The following UBE2E2 variants were observed in gnomAD, a reference collection of about 807,000 sequenced individuals.
UBE2E2 encodes ubiquitin conjugating enzyme E2 E2.
A neutral mutation model predicts 24.7 loss-of-function variants in UBE2E2; 6 were observed. The ratio of observed to expected loss-of-function variants is 0.24; its 90% confidence interval spans 0.13 to 0.48. The LOEUF is 0.48. Among genes scored for constraint, UBE2E2 ranks in the 20% least tolerant of loss-of-function variants. UBE2E2 has a pLI of 0.99. For missense variants in UBE2E2, 169 were observed against 245.0 expected (o/e 0.69, Z 2.07); for synonymous variants, 104 against 83.6 (o/e 1.24, Z -1.33).
chr3:23,380,472 C>T (rs930754968), intron 3 of UBE2E2, among the ~76,000 whole-genome samples: 1 of 152,174 alleles, frequency 6.6e-6, no homozygotes, highest in Non-Finnish European at 1.5e-5. Flanking sequence ...GTGATCCTCC[C>T]GCCTCCACCT....
intron 3 of UBE2E2, among the ~76,000 whole-genome samples, chr3:23,254,896 T>A (rs529483200): frequency 6.6e-6 from 1 of 151,740 alleles, no homozygotes; most frequent in East Asian, 2.0e-4. Flanking sequence ...CTCAGCTTCT[T>A]TAAGGCTTTT....
At chr3:23,292,338 G>A (rs1698792019) in intron 3 of UBE2E2, among the ~76,000 whole-genome samples, 1 of 151,994 alleles carries the variant, frequency 6.6e-6, no homozygotes, top group African/African-American at 2.4e-5. Flanking sequence ...AACAGTATTG[G>A]TGGTATATGA....
At chr3:23,312,287 AAC>A (rs1242684479) in intron 3 of UBE2E2, among the ~76,000 whole-genome samples, 3 of 152,190 alleles carry the variant, frequency 2.0e-5, no homozygotes, top group African/African-American at 7.2e-5. Context: ...GCAATGCGAG[AAC>A]AGACTAATGC....
chr3:23,237,437 G>A (rs1202808478), intron 3 of UBE2E2, among the ~76,000 whole-genome samples: 1 of 152,090 alleles, frequency 6.6e-6, no homozygotes, highest in African/African-American at 2.4e-5. Context: ...TGTGACCCTA[G>A]ATTGCTTGGT....
At chr3:23,365,053 G>A (rs1696218509) in intron 3 of UBE2E2, among the ~76,000 whole-genome samples, 1 of 152,126 alleles carries the variant, frequency 6.6e-6, no homozygotes, top group Admixed American at 6.5e-5. Flanking sequence ...AGGAAAAAAA[G>A]CTTTTGATAA....
At chr3:23,527,479 G>A (rs1470950069) in intron 4 of UBE2E2, among the ~76,000 whole-genome samples, 1 of 152,148 alleles carries the variant, frequency 6.6e-6, no homozygotes, top group African/African-American at 2.4e-5. Flanking sequence ...GCTACTAAAA[G>A]CCTTGCGATC....
At chr3:23,294,959 C>A (rs7612463) in intron 3 of UBE2E2, among the ~76,000 whole-genome samples, 22,536 of 151,928 alleles carry the variant, frequency 0.15, 1,813 homozygotes, top group South Asian at 0.23. Context: ...TTATTTTTAG[C>A]TACCTGAAAC....
chr3:23,435,736 G>C (rs1698162652), intron 3 of UBE2E2, among the ~76,000 whole-genome samples: 1 of 152,180 alleles, frequency 6.6e-6, no homozygotes, highest in Non-Finnish European at 1.5e-5. Context: ...TACTATTCAA[G>C]GATAAGGAAG....
At chr3:23,538,167 A>G (rs1695309977) in intron 5 of UBE2E2, among the ~76,000 whole-genome samples, 1 of 152,158 alleles carries the variant, frequency 6.6e-6, no homozygotes, top group Non-Finnish European at 1.5e-5. Flanking sequence ...TAGATACCAG[A>G]TTTCTTCTGA....
chr3:23,522,541 T>G (rs1213086840), intron 4 of UBE2E2, among the ~76,000 whole-genome samples: 1 of 152,202 alleles, frequency 6.6e-6, no homozygotes, highest in Non-Finnish European at 1.5e-5. Flanking sequence ...GAGTTTGTAC[T>G]CTTAGAGTTT....
chr3:23,392,949 G>A (rs1696974388), intron 3 of UBE2E2, among the ~76,000 whole-genome samples: 1 of 152,228 alleles, frequency 6.6e-6, no homozygotes, highest in Non-Finnish European at 1.5e-5. Flanking sequence ...CTGAGGACAA[G>A]TATAGGCCAC....
At chr3:23,270,148 C>T (rs1249644799) in intron 3 of UBE2E2, among the ~76,000 whole-genome samples, 1 of 115,492 alleles carries the variant, frequency 8.7e-6, no homozygotes, top group African/African-American at 3.6e-5. Context: ...CCACCCCCCT[C>T]CTCCTTTTTT....
At chr3:23,535,747 C>T (rs528493362) in intron 5 of UBE2E2, among the ~76,000 whole-genome samples, 22 of 151,724 alleles carry the variant, frequency 1.5e-4, no homozygotes, top group Non-Finnish European at 2.5e-4. Context: ...CTCAGCCTCC[C>T]GAGTAGCTGG....
At chr3:23,570,001 A>G (rs1696185503) in intron 5 of UBE2E2, among the ~76,000 whole-genome samples, 1 of 152,168 alleles carries the variant, frequency 6.6e-6, no homozygotes, top group Non-Finnish European at 1.5e-5. Context: ...AACAATATCT[A>G]GCAGATCTTT....
chr3:23,423,210 G>A (rs887081550), intron 3 of UBE2E2, among the ~76,000 whole-genome samples: 1 of 152,140 alleles, frequency 6.6e-6, no homozygotes, highest in Non-Finnish European at 1.5e-5. Flanking sequence ...TCCCAACTGC[G>A]CATAAAACGG....
chr3:23,219,600 C>T (rs1264539968), intron 3 of UBE2E2, among the ~76,000 whole-genome samples: 1 of 152,152 alleles, frequency 6.6e-6, no homozygotes, highest in Non-Finnish European at 1.5e-5. Flanking sequence ...CAAAATAGAG[C>T]AAATTAAAGT....
intron 3 of UBE2E2, among the ~76,000 whole-genome samples, chr3:23,391,072 A>G (rs149654090): frequency 2.4e-4 from 36 of 152,322 alleles, no homozygotes; most frequent in African/African-American, 8.4e-4. Context: ...TTTAATCCTT[A>G]AAATAATTCT....
At chr3:23,456,924 G>A (rs1418664289) in intron 3 of UBE2E2, among the ~76,000 whole-genome samples, 3 of 152,194 alleles carry the variant, frequency 2.0e-5, no homozygotes, top group African/African-American at 7.2e-5. Context: ...TCCAAAAGAA[G>A]GCTGTTTGTT....
At chr3:23,374,180 T>C (rs1696463342) in intron 3 of UBE2E2, among the ~76,000 whole-genome samples, 1 of 152,170 alleles carries the variant, frequency 6.6e-6, no homozygotes, top group African/African-American at 2.4e-5. Flanking sequence ...CATGTTTAAA[T>C]TTGTCGTATT....
Sources: allele counts gnomAD v4.1 joint callset (sites outside exome capture counted in the v4.1 genomes callset), GRCh38; gene constraint gnomAD v4.1.1; transcripts MANE v1.5; gene names NCBI Gene and HGNC (gene_info 2026-07-23, HGNC 2026-07-21).